The following CDH11 variants were observed in gnomAD, a reference collection of about 807,000 sequenced individuals.
CDH11 encodes the protein cadherin-11.
In CDH11, 11 loss-of-function variants were observed where a neutral mutation model predicts 67.8. The ratio of observed to expected loss-of-function variants is 0.16; its 90% CI spans 0.10 to 0.27. The LOEUF (loss-of-function observed/expected upper bound fraction) is 0.27. CDH11 is among the 10% of genes least tolerant of loss of function. CDH11 has a pLI of 1.00. For missense variants in CDH11, 847 were observed against 1,031.2 expected (o/e 0.82, Z 2.45); for synonymous variants, 419 against 400.0 (o/e 1.05, Z -0.57).
intron 1 of CDH11, chr16:65,118,840 G>T (rs1000588763): frequency 1.1e-4 from 17 of 152,104 alleles, no homozygotes; most frequent in African/African-American, 4.1e-4. Context: ...CATCAATATT[G>T]AAAGTAAATT....
rs991371595 is a variant in CDH11, at chr16:64,946,123, G to A, written c.*1480C>T. The A allele has an allele frequency of 5.7e-6, 6 of 1,056,036 alleles. No individual in the cohort carries two copies. The highest frequency in any genetic ancestry group is 5.5e-5 in the Admixed American group (1 of 18,304). The allele number at this position is 1,056,036 out of a possible 1,614,324, so 65.4% of individuals were successfully genotyped here. A position where few individuals can be genotyped will look rare whatever the true frequency, so the allele number is the denominator to read the frequency against. ...GTCCCTGCCCTCATTCTGAGCTTAC[G>A]GCCCCAAGCATATTCTAAACAAAGC... On this transcript the variant is annotated 3_prime_UTR_variant, in exon 13 of 13. Transcript: ENST00000268603.
chr16:65,058,268 G>A (rs893682507), intron 1 of CDH11, among the ~76,000 whole-genome samples: 9 of 152,006 alleles, frequency 5.9e-5, no homozygotes, highest in African/African-American at 2.2e-4. Flanking sequence ...CACCACAATG[G>A]GATATTTTGG....
intron 1 of CDH11, among the ~76,000 whole-genome samples, chr16:65,115,960 G>C (rs1412166854): frequency 6.6e-6 from 1 of 151,944 alleles, no homozygotes; most frequent in African/African-American, 2.4e-5. Flanking sequence ...AAGATTAGTG[G>C]GGAAAAAATC....
intron 6 of CDH11, 184 bp downstream of exon 6, chr16:64,991,584 T>G (rs2072629815): frequency 3.8e-6 from 2 of 523,052 alleles, no homozygotes; most frequent in African/African-American, 3.8e-5. Flanking sequence ...CTACCTCTAC[T>G]CCCCGACATT....
intron 1 of CDH11, among the ~76,000 whole-genome samples, chr16:65,075,087 G>C (rs1440665614): frequency 6.6e-6 from 1 of 152,198 alleles, no homozygotes; most frequent in East Asian, 1.9e-4. Context: ...TGGAAGGAAA[G>C]GCTTGCATGG....
In CDH11 at chr16:64,946,782, A is replaced by T. The variant is rs56215360; in HGVS notation, c.*821T>A. 4.3e-4 allele frequency: 365 copies of T among 844,896 alleles called. No individual in the cohort carries two copies. The Middle Eastern group carries it at 4.6e-3, about 11-fold the overall frequency. 52.3% of individuals were successfully genotyped at this position (844,896 alleles called of 1,614,324 possible). A position where few individuals can be genotyped will look rare whatever the true frequency, so the allele number is the denominator to read the frequency against. ...AATGTTAAGAATCAAACCCAGAATT[A>T]AAAAAAAATCTTTTTTTATTTCAAA... On this transcript the variant is annotated 3_prime_UTR_variant, in exon 13 of 13. Coordinates refer to ENST00000268603, the MANE Select transcript of CDH11 (RefSeq NM_001797.4).
In CDH11 at chr16:64,950,925, A is replaced by T; in HGVS notation, c.1736T>A (p.Ile579Asn). The T allele has an allele frequency of 6.2e-7, 1 of 1,614,226 alleles. No homozygotes were observed. The highest frequency in any genetic ancestry group is 8.5e-7 in the Non-Finnish European group (1 of 1,180,038). The change falls in exon 12 of 13, where the codon ATC (isoleucine) becomes AAC (asparagine). Residue 579 changes from isoleucine (I) to asparagine (N), a missense_variant. By Grantham distance (149) the Ile-to-Asn change is moderately radical (BLOSUM62 -3). This residue lies in a region of CDH11 where 612 missense variants were observed against 678.7 expected (regional missense o/e 0.90). Coordinates refer to ENST00000268603, the MANE Select transcript of CDH11 (RefSeq NM_001797.4). ...GGTGTTGGTGCTACTCATGGGCGGG[A>T]TGCCGCCATCGCTGATCACTATGGG... The part of the protein sequence containing the change: ...LLPIVISDGG[I>N]PPMSSTNTLT...
chr16:65,048,230 T>C (rs1183501819), intron 2 of CDH11, among the ~76,000 whole-genome samples: 1 of 152,084 alleles, frequency 6.6e-6, no homozygotes, highest in Non-Finnish European at 1.5e-5. Flanking sequence ...ACCCACTATG[T>C]CTCCTTTAAA....
At chr16:65,033,460 G>T (rs2073686997) in intron 2 of CDH11, among the ~76,000 whole-genome samples, 1 of 152,102 alleles carries the variant, frequency 6.6e-6, no homozygotes. Context: ...AGCACCAGTG[G>T]TCGGGTGCGG....
rs140787217 is a variant in CDH11, at chr16:65,085,162, C to T, written c.-297-31234G>A. On this transcript the variant is annotated intron_variant, in intron 1 of 12. Transcript: ENST00000268603. Reference sequence around the variant, plus strand: ...CTGACCTCAGGTTATCCATCCGCCTCGGCCTCCCAAAGTGCTGGGATTACA... The same window carrying T: ...CTGACCTCAGGTTATCCATCCGCCTTGGCCTCCCAAAGTGCTGGGATTACA... Among the ~76,000 whole-genome samples the T allele has an allele frequency of 2.2e-3, 336 of 152,280 alleles. 2 individuals carry two copies. The highest frequency in any genetic ancestry group is 7.2e-3 in the African/African-American group (301 of 41,552).
intron 1 of CDH11, among the ~76,000 whole-genome samples, chr16:65,071,213 A>G (rs552610365): frequency 1.3e-5 from 2 of 152,320 alleles, no homozygotes; most frequent in South Asian, 2.1e-4. Flanking sequence ...AGGCAGGGAA[A>G]CCAGCAAGCC....
intron 1 of CDH11, among the ~76,000 whole-genome samples, chr16:65,079,234 C>T (rs1046462867): frequency 1.3e-5 from 2 of 152,068 alleles, no homozygotes; most frequent in African/African-American, 2.4e-5. Context: ...TGCTACAGGG[C>T]GGCTGACCAA....
In CDH11 at chr16:64,963,620, A is replaced by G. The variant is rs79258442; in HGVS notation, c.1642+7959T>C. ...GCTCAGAGAACATCAAGCTGTATCA[A>G]TGCCAAAAAGGAAGTCCCTACACCT... On this transcript the variant is annotated intron_variant, in intron 11 of 12. Coordinates refer to ENST00000268603, the MANE Select transcript of CDH11 (RefSeq NM_001797.4). Among the ~76,000 whole-genome samples, 181 of 152,288 alleles carry G rather than the reference A, an allele frequency of 1.2e-3. 4 individuals are homozygous for G. The East Asian group carries it at 0.023, about 19-fold the overall frequency.
At position 65,121,914 on chromosome 16, in the gene CDH11, C is replaced by T. The variant is rs759770208; in HGVS notation, c.-332G>A. Reference sequence around the variant, plus strand: ...TTGAGGGTGGACGCAACCTCCGAGCCGCCAGTCCCTGGCGCAGGGCAAGCG... The same window carrying T: ...TTGAGGGTGGACGCAACCTCCGAGCTGCCAGTCCCTGGCGCAGGGCAAGCG... On this transcript the variant is annotated 5_prime_UTR_variant, in exon 1 of 13. Transcript: ENST00000268603. The surrounding 1 kb of genome is among the most constrained non-coding windows in gnomAD (Gnocchi z 4.1). 2 of 701,926 alleles carry T rather than the reference C, an allele frequency of 2.8e-6. No homozygotes were observed. Among genetic ancestry groups the T allele is most frequent in the East Asian group, 2.7e-5 (1 of 37,174 alleles). 43.5% of individuals were successfully genotyped at this position (701,926 alleles called of 1,614,324 possible).
intron 11 of CDH11, among the ~76,000 whole-genome samples, chr16:64,969,177 T>C (rs772137912): frequency 6.6e-5 from 10 of 152,174 alleles, no homozygotes; most frequent in African/African-American, 9.7e-5. Context: ...TGTGACAAAG[T>C]AAAATACTTA....
At chr16:65,087,207 C>T (rs2074716558) in intron 1 of CDH11, among the ~76,000 whole-genome samples, 1 of 152,156 alleles carries the variant, frequency 6.6e-6, no homozygotes, top group African/African-American at 2.4e-5. Context: ...AGAGCCTGAG[C>T]AATTTCAACA....
chr16:65,054,051 AAGAG>A (rs1194857500), intron 1 of CDH11, 123 bp from the exon 2 acceptor site: 5 of 362,972 alleles, frequency 1.4e-5, no homozygotes, highest in Non-Finnish European at 2.7e-5. Flanking sequence ...CAGGTGTGCA[AAGAG>A]AGAGAGAAAC....
chr16:65,017,547 G>A (rs1190773851), intron 2 of CDH11, among the ~76,000 whole-genome samples: 2 of 152,142 alleles, frequency 1.3e-5, no homozygotes, highest in African/African-American at 2.4e-5. Flanking sequence ...TTGAGTAAGT[G>A]TACCCTGTAT....
chr16:64,953,588 G>A (rs1392404043), intron 11 of CDH11, among the ~76,000 whole-genome samples: 1 of 152,102 alleles, frequency 6.6e-6, no homozygotes, highest in African/African-American at 2.4e-5. Context: ...AGCTAGTCAA[G>A]TAAAATAGTA....
Sources: gnomAD v4.1 joint callset for allele counts (sites outside exome capture counted in the v4.1 genomes callset) on GRCh38, gnomAD v4.1.1 for gene constraint, gnomAD v4.1.1 regional missense constraint, Gnocchi (gnomAD v3.1) non-coding constraint, MANE v1.5 for transcripts, NCBI Gene and HGNC (gene_info 2026-07-23, HGNC 2026-07-21) for gene names.